Variants in ST6GALNAC3 observed in about 807,000 individuals in gnomAD.
ST6GALNAC3 encodes ST6 N-acetylgalactosaminide alpha-2,6-sialyltransferase 3.
A neutral mutation model predicts 32.7 loss-of-function variants in ST6GALNAC3; 25 were observed. That is an observed-to-expected ratio of 0.76 (90% CI 0.56 to 1.07). The LOEUF (loss-of-function observed/expected upper bound fraction) is 1.07. Ranked by LOEUF, ST6GALNAC3 falls within the 50% of genes least tolerant of loss-of-function variation. The probability of loss-of-function intolerance (pLI) is 0.00; values close to 1 mark genes in which losing one functional copy is unlikely to be tolerated. For synonymous variants in ST6GALNAC3, 129 were observed against 133.1 expected, an observed-to-expected ratio of 0.97 and a Z score of 0.21; for missense variants, 355 against 382.4, an observed-to-expected ratio of 0.93 and a Z score of 0.60.
chr1:76,135,078 G>A (rs952228419), intron 1 of ST6GALNAC3, among the ~76,000 whole-genome samples: 5 of 151,898 alleles, frequency 3.3e-5, no homozygotes, highest in Admixed American at 2.0e-4. Flanking sequence ...GGAGGCAAAG[G>A]TTGCAGTGAG....
chr1:76,330,043 A>G (rs1439636484), intron 2 of ST6GALNAC3, among the ~76,000 whole-genome samples: 1 of 152,056 alleles, frequency 6.6e-6, no homozygotes, highest in African/African-American at 2.4e-5. Context: ...TCCTGACCTC[A>G]GTTGATTCAC....
At chr1:76,490,605 G>T (rs76637883) in intron 3 of ST6GALNAC3, among the ~76,000 whole-genome samples, 32 of 151,744 alleles carry the variant, frequency 2.1e-4, no homozygotes, top group Non-Finnish European at 3.4e-4. Flanking sequence ...AATATATTCA[G>T]TTCTTTCTCT....
At chr1:76,441,113 A>G (rs1281456545) in intron 3 of ST6GALNAC3, among the ~76,000 whole-genome samples, 1 of 148,948 alleles carries the variant, frequency 6.7e-6, no homozygotes, top group African/African-American at 2.5e-5. Context: ...AAAAAATAAG[A>G]GAAAGCAACA....
chr1:76,323,771 A>G (rs183638986), intron 2 of ST6GALNAC3, among the ~76,000 whole-genome samples: 13 of 152,342 alleles, frequency 8.5e-5, no homozygotes, highest in African/African-American at 2.4e-4. Context: ...ATTAACTGTG[A>G]TGGTCTATAT....
chr1:76,381,583 G>A (rs1289943359), intron 2 of ST6GALNAC3, among the ~76,000 whole-genome samples: 1 of 152,048 alleles, frequency 6.6e-6, no homozygotes, highest in Non-Finnish European at 1.5e-5. Context: ...ATTACTGTTT[G>A]TAGGAATCAG....
chr1:76,106,058 C>G (rs2100788793), intron 1 of ST6GALNAC3, among the ~76,000 whole-genome samples: 1 of 152,322 alleles, frequency 6.6e-6, no homozygotes, highest in Middle Eastern at 3.4e-3. Flanking sequence ...CTCTCTGGGT[C>G]TATTTTCTTC....
rs369022075 is a variant in ST6GALNAC3 at position 76,137,769 on chromosome 1, A to G, written c.18+62885A>G. The stretch of plus-strand genomic sequence containing the variant: ...GCTAGGAACCCTTCCAAGAGATTCT[A>G]TCACTTACCCAAAGCCGAAACACTT... On this transcript the variant is annotated intron_variant, in intron 1 of 4. Transcript: ENST00000328299. 3.1e-3 allele frequency among the ~76,000 whole-genome samples: 474 copies of G among 152,318 alleles called. 3 individuals carry two copies. The highest frequency in any genetic ancestry group is 4.4e-3 in the Non-Finnish European group (300 of 68,024).
chr1:76,173,490 C>T (rs545129233), intron 1 of ST6GALNAC3, among the ~76,000 whole-genome samples: 1 of 152,272 alleles, frequency 6.6e-6, no homozygotes, highest in East Asian at 1.9e-4. Flanking sequence ...CAAATGGAAT[C>T]TAATTAAACT....
intron 1 of ST6GALNAC3, among the ~76,000 whole-genome samples, chr1:76,166,481 G>C (rs1652133623): frequency 6.6e-6 from 1 of 151,896 alleles, no homozygotes; most frequent in South Asian, 2.1e-4. Flanking sequence ...TGACTATTTG[G>C]GCTCATTTTT....
chr1:76,517,429 A>G (rs78442427), intron 3 of ST6GALNAC3, among the ~76,000 whole-genome samples: 2 of 151,832 alleles, frequency 1.3e-5, no homozygotes, highest in South Asian at 2.1e-4. Flanking sequence ...TCTAACTTTT[A>G]TATAGTTTTT....
intron 1 of ST6GALNAC3, among the ~76,000 whole-genome samples, chr1:76,270,028 G>T (rs539485972): frequency 2.0e-5 from 3 of 152,018 alleles, no homozygotes; most frequent in Non-Finnish European, 4.4e-5. Flanking sequence ...TCTGGATAAG[G>T]GATTCATGGG....
intron 3 of ST6GALNAC3, among the ~76,000 whole-genome samples, chr1:76,571,346 C>CA (rs1665846516): frequency 6.6e-6 from 1 of 151,946 alleles, no homozygotes; most frequent in South Asian, 2.1e-4. Flanking sequence ...ACTCTTGGAC[C>CA]AAAAAATGTG....
intron 3 of ST6GALNAC3, among the ~76,000 whole-genome samples, chr1:76,555,322 A>G (rs1664854752): frequency 6.6e-6 from 1 of 152,216 alleles, no homozygotes; most frequent in South Asian, 2.1e-4. Context: ...AAGTAGATAC[A>G]TAATTGGAAT....
chr1:76,260,085 C>A (rs1187845647), intron 1 of ST6GALNAC3, among the ~76,000 whole-genome samples: 1 of 152,024 alleles, frequency 6.6e-6, no homozygotes, highest in African/African-American at 2.4e-5. Flanking sequence ...GGCCTTTGAA[C>A]CCAAAGACCT....
intron 3 of ST6GALNAC3, among the ~76,000 whole-genome samples, chr1:76,506,122 C>T (rs1353529649): frequency 1.3e-5 from 2 of 152,152 alleles, no homozygotes; most frequent in African/African-American, 2.4e-5. Context: ...GATAGTCAGT[C>T]GCTTGTTTAC....
chr1:76,434,784 G>GTTTTTTTTTTTTTTTTTT (rs1211703628), intron 3 of ST6GALNAC3, among the ~76,000 whole-genome samples: 10 of 72,202 alleles, frequency 1.4e-4, no homozygotes, highest in Admixed American at 1.9e-4. Flanking sequence ...TTTTTTCTCT[G>GTTTTTTTTTTTTTTTTTT]TTTTTTTTTT....
At chr1:76,600,596 G>A (rs1323766251) in intron 3 of ST6GALNAC3, among the ~76,000 whole-genome samples, 1 of 152,180 alleles carries the variant, frequency 6.6e-6, no homozygotes, top group East Asian at 1.9e-4. Context: ...CTCATCCAGT[G>A]TATAAATCTA....
intron 1 of ST6GALNAC3, among the ~76,000 whole-genome samples, chr1:76,272,242 C>T (rs1487788896): frequency 1.4e-5 from 2 of 147,344 alleles, no homozygotes; most frequent in Non-Finnish European, 3.0e-5. Flanking sequence ...AGGAGAATCG[C>T]TTGAACCCAG....
chr1:76,405,520 G>A (rs1653763570), intron 2 of ST6GALNAC3, among the ~76,000 whole-genome samples: 1 of 151,952 alleles, frequency 6.6e-6, no homozygotes, highest in African/African-American at 2.4e-5. Context: ...GTTTTCCCAG[G>A]GTGGTTGGTA....
Sources: allele counts gnomAD v4.1 joint callset (sites outside exome capture counted in the v4.1 genomes callset), GRCh38; gene constraint gnomAD v4.1.1; transcripts MANE v1.5; gene names NCBI Gene and HGNC (gene_info 2026-07-23, HGNC 2026-07-21).